Variants in CRB1 observed in about 807,000 individuals in gnomAD.
CRB1 encodes the protein protein crumbs homolog 1.
A neutral mutation model predicts 120.0 loss-of-function variants in CRB1; 83 were observed. The ratio of observed to expected loss-of-function variants is 0.69; its 90% CI spans 0.58 to 0.83. CRB1 has a LOEUF of 0.83. Among genes scored for constraint, CRB1 ranks in the 40% least tolerant of loss-of-function variants. The pLI, the probability that CRB1 is intolerant of heterozygous loss-of-function variation, is 0.00. For synonymous variants in CRB1, 625 were observed against 612.5 expected (o/e 1.02, Z -0.30); for missense variants, 1,699 against 1,687.6 (o/e 1.01, Z -0.12).
At chr1:197,446,449 C>A (rs1396058073) in intron 11 of CRB1, among the ~76,000 whole-genome samples, 1 of 152,082 alleles carries the variant, frequency 6.6e-6, no homozygotes, top group Non-Finnish European at 1.5e-5. Context: ...CACAGGGTGG[C>A]AGTGCTGAAA....
intron 1 of CRB1, 89 bp from the exon 2 acceptor site, chr1:197,328,333 G>T (rs1658638628): frequency 9.8e-7 from 1 of 1,016,248 alleles, no homozygotes; most frequent in Non-Finnish European, 1.5e-6. Context: ...TAATGAGTTT[G>T]GTTGAGGCAG....
intron 5 of CRB1, among the ~76,000 whole-genome samples, chr1:197,365,745 G>T (rs1383213072): frequency 6.6e-6 from 1 of 151,220 alleles, no homozygotes; most frequent in Non-Finnish European, 1.5e-5. Flanking sequence ...AGCCAACCTC[G>T]GCCACCTTCT....
chr1:197,477,960 C>A lies in CRB1; in HGVS notation c.*81C>A, dbSNP rs192819758. 10 of 1,317,238 alleles carry A rather than the reference C, an allele frequency of 7.6e-6. No individual in the cohort carries two copies. The East Asian group carries it at 2.1e-4, about 27-fold the overall frequency. 81.6% of individuals were successfully genotyped at this position (1,317,238 alleles called of 1,614,324 possible). On this transcript the variant is annotated 3_prime_UTR_variant, in exon 12 of 12. Transcript: ENST00000367400. ...CTTCAGGTATCTCTGACATACCTGA[C>A]AATGTTAATCTGCAACTGGGATTAC... is the stretch of plus-strand genomic sequence containing the variant.
rs1167546627 is a variant in CRB1, at chr1:197,442,255, G to C, written c.3968G>C (p.Cys1323Ser). ...QDLLNKFQCL[C>S]DVAFAGERCE... Reference sequence around the variant, plus strand: ...TTACTCAACAAATTCCAGTGCCTCTGTGATGTTGCCTTTGCTGGCGAGCGC... The same window carrying C: ...TTACTCAACAAATTCCAGTGCCTCTCTGATGTTGCCTTTGCTGGCGAGCGC... The change falls in exon 11 of 12, where the codon TGT (cysteine) becomes TCT (serine). Residue 1323 changes from cysteine to serine, a missense_variant. Coordinates refer to ENST00000367400, the MANE Select transcript of CRB1 (RefSeq NM_201253.3). The C allele has an allele frequency of 6.2e-7, 1 of 1,614,076 alleles. No homozygotes were observed. The highest frequency in any genetic ancestry group is 8.5e-7 in the Non-Finnish European group (1 of 1,180,040).
rs567777675 is a variant in CRB1 at position 197,477,091 on chromosome 1, A to C, written c.4006-573A>C. 2.4e-4 allele frequency among the ~76,000 whole-genome samples: 36 copies of C among 152,328 alleles called. No individual in the cohort carries two copies. In the South Asian group the frequency reaches 7.3e-3, roughly 31 times the overall value. On this transcript the variant is annotated intron_variant, in intron 11 of 11. Coordinates refer to ENST00000367400, the MANE Select transcript of CRB1 (RefSeq NM_201253.3). ...AGCGTTAAGCACATGTGCCTTTACA[A>C]CCATTCAATTGCCATGTTGAATCCG...
At chr1:197,436,359 G>A (rs1028854911) in intron 9 of CRB1, among the ~76,000 whole-genome samples, 3 of 152,040 alleles carry the variant, frequency 2.0e-5, no homozygotes, top group Admixed American at 6.6e-5. Context: ...TTAGGATGAA[G>A]AGGAAGAGAA....
intron 5 of CRB1, among the ~76,000 whole-genome samples, chr1:197,358,648 G>C (rs951635414): frequency 2.0e-5 from 3 of 152,162 alleles, no homozygotes; most frequent in Non-Finnish European, 2.9e-5. Flanking sequence ...GCTCCTCTAT[G>C]TTTTTCCCCC....
intron 7 of CRB1, chr1:197,428,863 A>T: frequency 8.8e-7 from 1 of 1,134,352 alleles, no homozygotes; most frequent in Non-Finnish European, 1.2e-6. Context: ...TAGACCCAGG[A>T]CAAACACAGT....
At chr1:197,387,568 A>G (rs1662281414) in intron 5 of CRB1, among the ~76,000 whole-genome samples, 1 of 152,086 alleles carries the variant, frequency 6.6e-6, no homozygotes, top group Non-Finnish European at 1.5e-5. Flanking sequence ...CGTACTAAAA[A>G]TGACTTGACC....
At chr1:197,327,279 C>G (rs959337362) in intron 1 of CRB1, among the ~76,000 whole-genome samples, 1 of 152,072 alleles carries the variant, frequency 6.6e-6, no homozygotes, top group African/African-American at 2.4e-5. Context: ...CCACTGAATA[C>G]AACTTTCAGA....
At chr1:197,313,449 T>C (rs1657666752) in intron 1 of CRB1, among the ~76,000 whole-genome samples, 1 of 152,246 alleles carries the variant, frequency 6.6e-6, no homozygotes, top group African/African-American at 2.4e-5. Context: ...TTCTTTGTGT[T>C]GGGAACATTA....
intron 5 of CRB1, among the ~76,000 whole-genome samples, chr1:197,379,818 C>T (rs1165639213): frequency 6.6e-6 from 1 of 152,068 alleles, no homozygotes; most frequent in Non-Finnish European, 1.5e-5. Context: ...CTTTGGCAAA[C>T]AGTGAAATTG....
chr1:197,295,504 CAAAG>C (rs1656467217), intron 1 of CRB1, among the ~76,000 whole-genome samples: 1 of 151,936 alleles, frequency 6.6e-6, no homozygotes, highest in South Asian at 2.1e-4. Context: ...ATTTTTGAGC[CAAAG>C]AAAGAGAGGA....
chr1:197,342,293 C>A (rs1406494344), intron 2 of CRB1, among the ~76,000 whole-genome samples: 1 of 152,158 alleles, frequency 6.6e-6, no homozygotes, highest in Non-Finnish European at 1.5e-5. Flanking sequence ...GTCGCCTGGC[C>A]TTTCCATACC....
chr1:197,419,943 T>G (rs1353263990), intron 5 of CRB1, among the ~76,000 whole-genome samples: 3 of 147,200 alleles, frequency 2.0e-5, no homozygotes, highest in Non-Finnish European at 4.5e-5. Context: ...ATTGCACCAC[T>G]GCCCTCCAGC....
At chr1:197,368,227 A>T (rs986813080) in intron 5 of CRB1, among the ~76,000 whole-genome samples, 1 of 152,146 alleles carries the variant, frequency 6.6e-6, no homozygotes, top group African/African-American at 2.4e-5. Flanking sequence ...CTTACTTACA[A>T]TTTCAAATTT....
intron 11 of CRB1, among the ~76,000 whole-genome samples, chr1:197,473,221 T>A (rs1379560863): frequency 6.6e-6 from 1 of 152,204 alleles, no homozygotes; most frequent in Non-Finnish European, 1.5e-5. Flanking sequence ...TCAAATCCCT[T>A]TCTGTCTGCT....
chr1:197,228,131 A>G, the CRB1 span, among the ~76,000 whole-genome samples: 1 of 152,136 alleles, frequency 6.6e-6, no homozygotes, highest in East Asian at 1.9e-4. Context: ...GCTGCCATGA[A>G]GACCTATGAC....
chr1:197,450,520 T>G (rs1665907691), intron 11 of CRB1, among the ~76,000 whole-genome samples: 1 of 152,120 alleles, frequency 6.6e-6, no homozygotes, highest in South Asian at 2.1e-4. Flanking sequence ...TAGTTTTTTT[T>G]GTAAACATTA....
Sources: allele counts gnomAD v4.1 joint callset (sites outside exome capture counted in the v4.1 genomes callset), GRCh38; gene constraint gnomAD v4.1.1; transcripts MANE v1.5; gene names NCBI Gene and HGNC (gene_info 2026-07-23, HGNC 2026-07-21).